The following AGR3 variants were observed in gnomAD, a reference collection of about 807,000 sequenced individuals.
AGR3 encodes the protein anterior gradient protein 3.
Under a neutral mutation model 24.5 loss-of-function variants are expected in AGR3, and 37 were observed. The observed-to-expected ratio is 1.51, with a 90% CI of 1.16 to 1.99. The LOEUF (loss-of-function observed/expected upper bound fraction) is 1.99, where lower values mean the gene tolerates loss of function less well. Among genes scored for constraint, AGR3 ranks in the 30% most tolerant of loss-of-function variants. AGR3 has a pLI of 0.00. For synonymous variants in AGR3, 75 were observed against 61.6 expected, an observed-to-expected ratio of 1.22 and a Z score of -1.02; for missense variants, 228 against 191.1, an observed-to-expected ratio of 1.19 and a Z score of -1.14.
chr7:16,861,742 A>T (rs1186508742), intron 5 of AGR3, among the ~76,000 whole-genome samples: 1 of 151,910 alleles, frequency 6.6e-6, no homozygotes, highest in African/African-American at 2.4e-5. Context: ...CTCTACTAAA[A>T]ATACAAAAAT....
At chr7:16,864,361 G>C in intron 3 of AGR3, 1 of 1,323,280 alleles carries the variant, frequency 7.6e-7, no homozygotes, top group South Asian at 1.2e-5. Flanking sequence ...CAGTTCACTG[G>C]CACTATTCTG....
intron 2 of AGR3, 35 bp downstream of exon 2, chr7:16,878,475 G>A: frequency 6.4e-7 from 1 of 1,567,110 alleles, no homozygotes; most frequent in Non-Finnish European, 8.8e-7. Context: ...CAATCCAAAT[G>A]ACTGAGTTTA....
intron 3 of AGR3, among the ~76,000 whole-genome samples, chr7:16,866,894 T>A (rs977065745): frequency 6.6e-6 from 1 of 152,164 alleles, no homozygotes; most frequent in African/African-American, 2.4e-5. Flanking sequence ...AGTTTTTGGT[T>A]ATCCAGAAAA....
In AGR3 at chr7:16,864,609, T is replaced by A; in HGVS notation, c.174-1947A>T. On this transcript the variant is annotated intron_variant, in intron 3 of 7. Transcript: ENST00000310398. ...CTTGATTTCTCATTGGAATGGTTATTAGAGCAAGGTATGGCAGTAGCTGAG... is the reference window on the plus strand; with the variant it reads ...CTTGATTTCTCATTGGAATGGTTATAAGAGCAAGGTATGGCAGTAGCTGAG... 2.6e-6 allele frequency: 4 copies of A among 1,522,550 alleles called. No homozygotes were observed. The South Asian group carries it at 4.5e-5, about 17-fold the overall frequency. 94.3% of individuals were successfully genotyped at this position (1,522,550 alleles called of 1,614,324 possible).
chr7:16,880,174 C>CTTTT (rs148378416), intron 1 of AGR3, among the ~76,000 whole-genome samples: 5 of 116,446 alleles, frequency 4.3e-5, no homozygotes, highest in Admixed American at 1.8e-4. Flanking sequence ...TCCTTTCTTT[C>CTTTT]TTTTTTTTTT....
downstream of AGR3, among the ~76,000 whole-genome samples, chr7:16,855,615 C>T (rs1019969732): frequency 3.3e-5 from 5 of 151,976 alleles, no homozygotes; most frequent in African/African-American, 1.2e-4. Context: ...CTTTCTGCTC[C>T]CAAGGACTTT....
chr7:16,868,369 A>G (rs1238228920), intron 3 of AGR3, among the ~76,000 whole-genome samples: 2 of 152,038 alleles, frequency 1.3e-5, no homozygotes, highest in Non-Finnish European at 2.9e-5. Flanking sequence ...TGGTCAGGCT[A>G]GTCTCGAACT....
intron 1 of AGR3, among the ~76,000 whole-genome samples, chr7:16,880,076 TCCTTCTTTCC>T (rs1313356760): frequency 7.1e-6 from 1 of 141,540 alleles, no homozygotes; most frequent in African/African-American, 2.6e-5. Context: ...TCCTTCCCCT[TCCTTCTTTCC>T]CCTTCCTTCC....
At chr7:16,877,862 C>A (rs866412299) in intron 2 of AGR3, among the ~76,000 whole-genome samples, 556 of 126,210 alleles carry the variant, frequency 4.4e-3, no homozygotes, top group Non-Finnish European at 5.4e-3. Context: ...GACTCCGTCT[C>A]AAAAAAAAAA....
chr7:16,868,098 G>A (rs1781794503), intron 3 of AGR3, among the ~76,000 whole-genome samples: 1 of 151,748 alleles, frequency 6.6e-6, no homozygotes, highest in African/African-American at 2.4e-5. Flanking sequence ...GTATTAATTT[G>A]CATTTCCCTG....
intron 3 of AGR3, chr7:16,864,177 C>G: frequency 1.3e-6 from 1 of 759,128 alleles, no homozygotes; most frequent in Non-Finnish European, 2.0e-6. Context: ...TGTAATTCAT[C>G]AGAGAAGTAT....
At chr7:16,858,359 T>G (rs1231197991), downstream of AGR3, among the ~76,000 whole-genome samples, 1 of 152,090 alleles carries the variant, frequency 6.6e-6, no homozygotes, top group Non-Finnish European at 1.5e-5. Context: ...TTAGCAGGAT[T>G]TTTTCTTCTT....
downstream of AGR3, among the ~76,000 whole-genome samples, chr7:16,856,147 T>C (rs966831649): frequency 1.3e-5 from 2 of 152,226 alleles, no homozygotes; most frequent in East Asian, 3.8e-4. Context: ...ATCGTACCAC[T>C]AGACTGTGAA....
intron 1 of AGR3, 46 bp from the exon 2 acceptor site, chr7:16,878,691 G>A (rs1782043619): frequency 5.2e-6 from 7 of 1,347,480 alleles, no homozygotes; most frequent in Middle Eastern, 1.8e-4. Flanking sequence ...ATTACTTCAA[G>A]CTATTATTAG....
chr7:16,879,044 A>T (rs975291223), intron 1 of AGR3, among the ~76,000 whole-genome samples: 1 of 152,174 alleles, frequency 6.6e-6, no homozygotes, highest in Non-Finnish European at 1.5e-5. Flanking sequence ...TTGCCTTTTG[A>T]TTCTCCTTCA....
At chr7:16,857,991 C>T (rs1030487640), downstream of AGR3, among the ~76,000 whole-genome samples, 2 of 144,034 alleles carry the variant, frequency 1.4e-5, no homozygotes, top group African/African-American at 2.6e-5. Flanking sequence ...AAAACATTTT[C>T]TTTTTTTTTT....
chr7:16,877,862 C>CAAAAA (rs67623743), intron 2 of AGR3, among the ~76,000 whole-genome samples: 10 of 126,364 alleles, frequency 7.9e-5, no homozygotes, highest in Non-Finnish European at 1.2e-4. Flanking sequence ...GACTCCGTCT[C>CAAAAA]AAAAAAAAAA....
At chr7:16,874,887 T>C (rs543087277) in intron 2 of AGR3, among the ~76,000 whole-genome samples, 6 of 152,030 alleles carry the variant, frequency 3.9e-5, no homozygotes, top group African/African-American at 1.2e-4. Context: ...GAGACCAAGG[T>C]GGGTGGATCA....
chr7:16,873,821 C>T lies in AGR3; in HGVS notation c.132G>A (p.Trp44Ter). 1 of 1,612,846 alleles carries T rather than the reference C, an allele frequency of 6.2e-7. No individual in the cohort carries two copies. The highest frequency in any genetic ancestry group is 1.1e-5 in the South Asian group (1 of 91,014). The change falls in exon 3 of 8, where the codon TGG (tryptophan) becomes TGA (stop). Residue 44 changes from tryptophan (W) to a stop codon, truncating the protein, a stop_gained. Transcript: ENST00000310398. LOFTEE classifies it high-confidence loss of function. ...AGAGACCTTCTTCATAAGTTTGTAC[C>T]CAAGTGATGTCATCTCCCCATCCTG... ...LSRGWGDDIT[W>*]VQTYEEGLFY...
Sources: allele counts gnomAD v4.1 joint callset (sites outside exome capture counted in the v4.1 genomes callset), GRCh38; gene constraint gnomAD v4.1.1; transcripts MANE v1.5; gene names NCBI Gene and HGNC (gene_info 2026-07-23, HGNC 2026-07-21).